TENM3: variants seen among roughly 807,000 people sequenced by gnomAD.
The protein encoded by TENM3 is teneurin transmembrane protein 3, also known as teneurin-3.
TENM3 carries 63 observed loss-of-function variants against 255.1 expected under a neutral mutation model. The ratio of observed to expected loss-of-function variants is 0.25; its 90% CI spans 0.20 to 0.30. The LOEUF (loss-of-function observed/expected upper bound fraction) is 0.30. Ranked by LOEUF, TENM3 falls within the 10% of genes least tolerant of loss-of-function variation. TENM3 has a pLI of 1.00. For missense variants in TENM3, 2,929 were observed against 3,461.1 expected (o/e 0.85, Z 3.86); for synonymous variants, 1,306 against 1,322.3 (o/e 0.99, Z 0.27).
the TENM3 span, among the ~76,000 whole-genome samples, chr4:181,865,902 T>C: frequency 6.6e-6 from 1 of 152,288 alleles, no homozygotes; most frequent in South Asian, 2.1e-4. Context: ...GAGAAATTGG[T>C]CAGTTTAAGT....
At chr4:182,445,730 T>G (rs1772862818) in intron 3 of TENM3, among the ~76,000 whole-genome samples, 1 of 152,216 alleles carries the variant, frequency 6.6e-6, no homozygotes. Flanking sequence ...CAGTTTTAAG[T>G]AAAATTCATT....
the TENM3 span, among the ~76,000 whole-genome samples, chr4:181,611,327 A>C: frequency 2.6e-5 from 4 of 152,188 alleles, no homozygotes; most frequent in Non-Finnish European, 5.9e-5. Context: ...ACATTAGAGG[A>C]GTCATCTAGA....
At chr4:181,893,494 C>CCCCA in the TENM3 span, among the ~76,000 whole-genome samples, 2 of 97,810 alleles carry the variant, frequency 2.0e-5, no homozygotes, top group Non-Finnish European at 3.8e-5. Context: ...CCTGCCCACC[C>CCCCA]CCCCCCCACC....
At chr4:182,688,549 G>A (rs1259708310) in intron 12 of TENM3, among the ~76,000 whole-genome samples, 198 bp downstream of exon 12, 1 of 152,176 alleles carries the variant, frequency 6.6e-6, no homozygotes, top group Non-Finnish European at 1.5e-5. Flanking sequence ...TCACAAGTAT[G>A]AGCTATAAAC....
At chr4:181,792,245 G>T in the TENM3 span, among the ~76,000 whole-genome samples, 2 of 152,188 alleles carry the variant, frequency 1.3e-5, no homozygotes, top group Non-Finnish European at 2.9e-5. Context: ...TTTCTTAGAA[G>T]AAAAATATCT....
chr4:181,876,130 A>G, the TENM3 span, among the ~76,000 whole-genome samples: 24 of 152,152 alleles, frequency 1.6e-4, no homozygotes, highest in Non-Finnish European at 3.4e-4. Context: ...TTGACTATAC[A>G]CCTAGTTAAT....
chr4:182,025,754 TC>T, the TENM3 span, among the ~76,000 whole-genome samples: 1 of 152,194 alleles, frequency 6.6e-6, no homozygotes, highest in Non-Finnish European at 1.5e-5. Context: ...TTAGTTTTGA[TC>T]TGCATTTCTA....
At chr4:182,404,600 G>A (rs1421759755) in intron 3 of TENM3, among the ~76,000 whole-genome samples, 1 of 152,196 alleles carries the variant, frequency 6.6e-6, no homozygotes, top group East Asian at 1.9e-4. Context: ...TGTGTGTGCA[G>A]GCAGCAGAGC....
chr4:181,682,452 A>G, the TENM3 span, among the ~76,000 whole-genome samples: 1 of 152,166 alleles, frequency 6.6e-6, no homozygotes, highest in Non-Finnish European at 1.5e-5. Context: ...GATTGTTAAA[A>G]CAGTTGGTCC....
At chr4:182,446,268 G>A (rs747934104) in intron 3 of TENM3, among the ~76,000 whole-genome samples, 1 of 152,108 alleles carries the variant, frequency 6.6e-6, no homozygotes, top group Non-Finnish European at 1.5e-5. Flanking sequence ...CAGAAAAGGT[G>A]GAACTAGATA....
chr4:181,750,764 T>A, the TENM3 span, among the ~76,000 whole-genome samples: 4 of 152,318 alleles, frequency 2.6e-5, no homozygotes, highest in Middle Eastern at 3.4e-3. Flanking sequence ...CACCCACATG[T>A]TGGGTAGTTC....
chr4:181,904,381 G>T, the TENM3 span, among the ~76,000 whole-genome samples: 1 of 152,114 alleles, frequency 6.6e-6, no homozygotes, highest in South Asian at 2.1e-4. Flanking sequence ...AACACTTGAG[G>T]TGGTAGATGC....
At chr4:181,582,853 G>A in the TENM3 span, among the ~76,000 whole-genome samples, 7 of 152,250 alleles carry the variant, frequency 4.6e-5, no homozygotes, top group South Asian at 6.2e-4. Flanking sequence ...GAGGTCATTG[G>A]ATGTAAGGTA....
intron 7 of TENM3, among the ~76,000 whole-genome samples, chr4:182,677,395 C>T (rs941701968): frequency 3.9e-5 from 6 of 152,112 alleles, no homozygotes; most frequent in African/African-American, 7.2e-5. Flanking sequence ...AAATTCCTCC[C>T]GTTCACTTTT....
At chr4:182,644,764 A>G (rs1049651192) in intron 5 of TENM3, among the ~76,000 whole-genome samples, 8 of 152,174 alleles carry the variant, frequency 5.3e-5, no homozygotes, top group African/African-American at 1.7e-4. Context: ...TTACATAAGA[A>G]AGATTTAATT....
chr4:182,488,041 T>G (rs767130563), intron 3 of TENM3, among the ~76,000 whole-genome samples: 11 of 152,176 alleles, frequency 7.2e-5, no homozygotes, highest in Admixed American at 4.6e-4. Flanking sequence ...AGTGCATGTA[T>G]TTTGGATAAG....
In TENM3 at chr4:182,680,533, T is replaced by C. The variant is rs755430608; in HGVS notation, c.1640-10T>C. ...TGGCTGTAATTCTTCTGTCGTGTCT[T>C]GTTTCACAGCCGCCTGTCCAGTGTT... On this transcript the variant is annotated splice_polypyrimidine_tract_variant and intron_variant, in intron 9 of 27. Transcript: ENST00000511685. The C allele has an allele frequency of 1.2e-6, 2 of 1,611,318 alleles. No individual in the cohort carries two copies. Among genetic ancestry groups the C allele is most frequent in the East Asian group, 4.5e-5 (2 of 44,872 alleles).
intron 2 of TENM3, among the ~76,000 whole-genome samples, chr4:182,343,549 G>A (rs1452169274): frequency 6.6e-6 from 1 of 152,034 alleles, no homozygotes; most frequent in African/African-American, 2.4e-5. Context: ...CTGGTCCCAG[G>A]GGCATCTCAG....
At chr4:181,949,289 T>A in the TENM3 span, among the ~76,000 whole-genome samples, 2 of 152,228 alleles carry the variant, frequency 1.3e-5, no homozygotes, top group Non-Finnish European at 2.9e-5. Context: ...GTCCATCATC[T>A]TCTTAATAGA....
Sources: gnomAD v4.1 joint callset for allele counts (sites outside exome capture counted in the v4.1 genomes callset) on GRCh38, gnomAD v4.1.1 for gene constraint, MANE v1.5 for transcripts, NCBI Gene and HGNC (gene_info 2026-07-23, HGNC 2026-07-21) for gene names.